The following ITSN1 variants were observed in gnomAD, a reference collection of about 807,000 sequenced individuals.
The protein encoded by ITSN1 is intersectin-1.
In ITSN1, 58 loss-of-function variants were observed where a neutral mutation model predicts 239.8. That is an observed-to-expected ratio of 0.24 (90% CI 0.20 to 0.30). The LOEUF is 0.30. Ranked by LOEUF, ITSN1 falls within the 10% of genes least tolerant of loss-of-function variation. ITSN1 has a pLI of 1.00. For missense variants in ITSN1, 1,558 were observed against 2,103.3 expected (o/e 0.74, Z 5.07); for synonymous variants, 780 against 770.8 (o/e 1.01, Z -0.20).
At position 33,716,598 on chromosome 21, in the gene ITSN1, T is replaced by C. The variant is rs529418762; in HGVS notation, c.-32-2199T>C. On this transcript the variant is annotated intron_variant, in intron 1 of 39. Transcript: ENST00000381318. ...ATCATTTTACAGAGAAGCCCATCAG[T>C]CAACAAGCTTGCCACCCACGCTGAG... 5 of 152,050 alleles carry C rather than the reference T, an allele frequency of 3.3e-5. No homozygotes were observed. In the East Asian group the frequency reaches 5.8e-4, roughly 18 times the overall value. The allele number at this position is 152,050 out of a possible 1,614,324, so 9.4% of individuals were successfully genotyped here.
rs191686443 is a variant in ITSN1, at chr21:33,889,056, C to T, written c.*756C>T. On this transcript the variant is annotated 3_prime_UTR_variant, in exon 40 of 40. Transcript: ENST00000381318. ...AGAAAGTCATTATCTAGAAAGTCAC[C>T]CCTCTGCTGGATCAGATCACTACAG... 19 of 152,076 alleles carry T rather than the reference C, an allele frequency of 1.2e-4. No individual in the cohort carries two copies. The highest frequency in any genetic ancestry group is 4.6e-4 in the African/African-American group (19 of 41,494). The allele number at this position is 152,076 out of a possible 1,614,324, so 9.4% of individuals were successfully genotyped here. A position where few individuals can be genotyped will look rare whatever the true frequency, so the allele number is the denominator to read the frequency against.
intron 4 of ITSN1, among the ~76,000 whole-genome samples, chr21:33,729,767 G>T (rs2066053685): frequency 6.6e-6 from 1 of 152,166 alleles, no homozygotes; most frequent in Non-Finnish European, 1.5e-5. Context: ...CAGTAAGTCG[G>T]CACTTTACAT....
chr21:33,731,399 C>T (rs1460951580), intron 4 of ITSN1, among the ~76,000 whole-genome samples: 1 of 152,134 alleles, frequency 6.6e-6, no homozygotes, highest in African/African-American at 2.4e-5. Context: ...TCTTCCCCAC[C>T]AAACCGTTTT....
chr21:33,722,941 G>A (rs1762943256), intron 4 of ITSN1, among the ~76,000 whole-genome samples: 1 of 152,086 alleles, frequency 6.6e-6, no homozygotes, highest in South Asian at 2.1e-4. Flanking sequence ...ATTAGTTTTG[G>A]CTTCACCCAT....
At chr21:33,764,842 T>C (rs2068610410) in intron 9 of ITSN1, among the ~76,000 whole-genome samples, 1 of 152,148 alleles carries the variant, frequency 6.6e-6, no homozygotes, top group East Asian at 1.9e-4. Context: ...TTCTTGGACT[T>C]GCCAGGAGAA....
intron 1 of ITSN1, among the ~76,000 whole-genome samples, chr21:33,663,841 TCCGCCCACCTCGGCCTC>T (rs1431972154): frequency 6.6e-6 from 1 of 152,190 alleles, no homozygotes; most frequent in African/African-American, 2.4e-5. Context: ...CGTCAGGTGA[TCCGCCCACCTCGGCCTC>T]CCAAAGTGCT....
At chr21:33,777,054 A>G (rs2069693008) in intron 14 of ITSN1, among the ~76,000 whole-genome samples, 1 of 152,092 alleles carries the variant, frequency 6.6e-6, no homozygotes, top group Non-Finnish European at 1.5e-5. Context: ...AATTTTTACA[A>G]GTTTTTATAA....
chr21:33,853,485 G>A (rs1978720245), intron 29 of ITSN1, among the ~76,000 whole-genome samples: 1 of 152,218 alleles, frequency 6.6e-6, no homozygotes, highest in South Asian at 2.1e-4. Flanking sequence ...CTGGCTCTGA[G>A]CTTCTTCACA....
chr21:33,816,730 G>A (rs933786142), intron 22 of ITSN1, among the ~76,000 whole-genome samples: 1 of 152,236 alleles, frequency 6.6e-6, no homozygotes, highest in Non-Finnish European at 1.5e-5. Context: ...GGATTAGACA[G>A]TGCAGAAGGG....
intron 17 of ITSN1, among the ~76,000 whole-genome samples, chr21:33,796,292 TTG>T (rs1452294935): frequency 6.6e-6 from 1 of 152,170 alleles, no homozygotes; most frequent in Non-Finnish European, 1.5e-5. Flanking sequence ...TATGGTTTTT[TTG>T]TTGTCATGAA....
At chr21:33,807,535 A>G (rs2072552943) in intron 20 of ITSN1, among the ~76,000 whole-genome samples, 1 of 152,100 alleles carries the variant, frequency 6.6e-6, no homozygotes, top group Non-Finnish European at 1.5e-5. Context: ...ATGGGGTTTC[A>G]CCAGCCTGAA....
Position 33,826,800 on chromosome 21 carries a change from C to A in ITSN1, c.3184-18C>A. On this transcript the variant is annotated intron_variant, in intron 25 of 39. Coordinates refer to ENST00000381318, the MANE Select transcript of ITSN1 (RefSeq NM_003024.3). ...CAAAACTTCAGCATGCAAATGAGAC[C>A]TTTTGCTCTGTTTTAAGGGCTCTGG... 6.2e-7 allele frequency: 1 copy of A among 1,612,570 alleles called. No individual in the cohort carries two copies. Among genetic ancestry groups the A allele is most frequent in the South Asian group, 1.1e-5 (1 of 90,918 alleles).
chr21:33,738,424 T>G (rs1457462449), intron 5 of ITSN1, among the ~76,000 whole-genome samples: 2 of 151,710 alleles, frequency 1.3e-5, no homozygotes, highest in Non-Finnish European at 2.9e-5. Context: ...AAAGGCGAGA[T>G]GGAGTCTCAC....
intron 4 of ITSN1, among the ~76,000 whole-genome samples, chr21:33,725,129 TTTTG>T (rs1213112139): frequency 1.8e-3 from 221 of 126,102 alleles, no homozygotes; most frequent in Non-Finnish European, 3.0e-3. Flanking sequence ...AATTTTTTTT[TTTTG>T]TTTTTTTTTT....
chr21:33,691,777 A>G (rs983623720), intron 1 of ITSN1, among the ~76,000 whole-genome samples: 1 of 152,182 alleles, frequency 6.6e-6, no homozygotes, highest in Non-Finnish European at 1.5e-5. Context: ...TGCTGGCAGA[A>G]GGAGAGATCA....
At chr21:33,716,883 C>T (rs1479283717) in intron 1 of ITSN1, among the ~76,000 whole-genome samples, 1 of 149,480 alleles carries the variant, frequency 6.7e-6, no homozygotes, top group Non-Finnish European at 1.5e-5. Flanking sequence ...ACCTGGGAGG[C>T]AGAGGTTGCA....
chr21:33,703,924 T>G (rs1272469520), intron 1 of ITSN1, among the ~76,000 whole-genome samples: 1 of 152,208 alleles, frequency 6.6e-6, no homozygotes, highest in Middle Eastern at 3.2e-3. Context: ...GTGCTGCCTC[T>G]GCTTGGGGCT....
chr21:33,700,142 G>A (rs2091946904), intron 1 of ITSN1, among the ~76,000 whole-genome samples: 1 of 151,518 alleles, frequency 6.6e-6, no homozygotes, highest in Non-Finnish European at 1.5e-5. Context: ...GGAGTGCAGT[G>A]GCACGATCTC....
chr21:33,683,299 A>G (rs2091069890), intron 1 of ITSN1, among the ~76,000 whole-genome samples: 1 of 152,006 alleles, frequency 6.6e-6, no homozygotes, highest in Non-Finnish European at 1.5e-5. Context: ...AGTTGATTTT[A>G]GTCCTACTGT....
Sources: gnomAD v4.1 joint callset for allele counts (sites outside exome capture counted in the v4.1 genomes callset) on GRCh38, gnomAD v4.1.1 for gene constraint, MANE v1.5 for transcripts, NCBI Gene and HGNC (gene_info 2026-07-23, HGNC 2026-07-21) for gene names.